Variants in SLC22A23 observed in about 807,000 individuals in gnomAD.
The protein encoded by SLC22A23 is ion transporter protein.
A neutral mutation model predicts 61.0 loss-of-function variants in SLC22A23; 26 were observed. That is an observed-to-expected ratio of 0.43 (90% CI 0.31 to 0.59). The LOEUF (loss-of-function observed/expected upper bound fraction) is 0.59. SLC22A23 is among the 20% of genes least tolerant of loss of function. The pLI is 0.11. For synonymous variants in SLC22A23, 430 were observed against 413.9 expected, an observed-to-expected ratio of 1.04 and a Z score of -0.47; for missense variants, 796 against 934.7, an observed-to-expected ratio of 0.85 and a Z score of 1.94.
chr6:3,446,675 T>C (rs1771911179), intron 1 of SLC22A23, among the ~76,000 whole-genome samples: 1 of 152,134 alleles, frequency 6.6e-6, no homozygotes. Context: ...CATGTCTGCT[T>C]CCCAAACAGG....
chr6:3,305,326 C>T (rs1216361266), intron 4 of SLC22A23, among the ~76,000 whole-genome samples: 1 of 152,240 alleles, frequency 6.6e-6, no homozygotes, highest in East Asian at 1.9e-4. Context: ...AGCACAGCAG[C>T]AAACCCATAT....
At chr6:3,355,789 C>T (rs1765033255) in intron 3 of SLC22A23, among the ~76,000 whole-genome samples, 1 of 151,414 alleles carries the variant, frequency 6.6e-6, no homozygotes, top group South Asian at 2.1e-4. Flanking sequence ...TCACTCAGCC[C>T]TGCACAAACC....
intron 3 of SLC22A23, among the ~76,000 whole-genome samples, chr6:3,352,271 G>GCACA (rs57754893): frequency 0.026 from 3,882 of 149,372 alleles, 87 homozygotes; most frequent in African/African-American, 0.063. Context: ...ACACAGACAT[G>GCACA]CACACACACA....
At chr6:3,396,814 G>C (rs1038027693) in intron 3 of SLC22A23, among the ~76,000 whole-genome samples, 2 of 152,156 alleles carry the variant, frequency 1.3e-5, no homozygotes, top group African/African-American at 4.8e-5. Context: ...TCTGGCTCCC[G>C]CATCTGCTGA....
Position 3,328,841 on chromosome 6 carries a change from C to T in SLC22A23, c.914-4839G>A, listed in dbSNP as rs1763423238. On this transcript the variant is annotated intron_variant, in intron 3 of 9. Coordinates refer to ENST00000406686, the MANE Select transcript of SLC22A23 (RefSeq NM_015482.2). The surrounding 1 kb of genome is among the most constrained non-coding windows in gnomAD (Gnocchi z 5.0). ...GAGGCGGAGGTCAGGAGGTCCTGCC[C>T]ATCACACAGGCTCACACGAGGCCTC... 6.6e-6 allele frequency among the ~76,000 whole-genome samples: 1 copy of T among 152,104 alleles called. No individual in the cohort carries two copies. The highest frequency in any genetic ancestry group is 2.4e-5 in the African/African-American group (1 of 41,396).
chr6:3,403,496 T>C (rs1188231917), intron 3 of SLC22A23, among the ~76,000 whole-genome samples: 1 of 152,208 alleles, frequency 6.6e-6, no homozygotes, highest in African/African-American at 2.4e-5. Flanking sequence ...TCTGGAACCC[T>C]GGGGAAAGGG....
At position 3,427,750 on chromosome 6, in the gene SLC22A23, G is replaced by C. The variant is rs973442898; in HGVS notation, c.655-11895C>G. Among the ~76,000 whole-genome samples, 2 of 152,158 alleles carry C rather than the reference G, an allele frequency of 1.3e-5. No individual in the cohort carries two copies. ...CCAAAAGAAAAAAAAAAGTAGGATG[G>C]TTCTCAAAAGCTGACAACACGATTA... On this transcript the variant is annotated intron_variant, in intron 1 of 9. Transcript: ENST00000406686. This position sits in a 1 kb window ranked among gnomAD's most constrained non-coding sequence, Gnocchi z 4.3.
In SLC22A23 at chr6:3,317,389, A is replaced by C. The variant is rs1762702848; in HGVS notation, c.1082+6445T>G. Among the ~76,000 whole-genome samples the C allele has an allele frequency of 6.6e-6, 1 of 152,038 alleles. No homozygotes were observed. The highest frequency in any genetic ancestry group is 1.5e-5 in the Non-Finnish European group (1 of 68,016). The stretch of plus-strand genomic sequence containing the variant: ...ACAATTTCAGAGCAGCAGCTCTTGC[A>C]CCCAGCTCCCTCTTCCATTCTGGCA... On this transcript the variant is annotated intron_variant, in intron 4 of 9. Transcript: ENST00000406686. The surrounding 1 kb of genome is among the most constrained non-coding windows in gnomAD (Gnocchi z 4.4).
chr6:3,449,195 A>G (rs1054353366), intron 1 of SLC22A23, among the ~76,000 whole-genome samples: 5 of 152,220 alleles, frequency 3.3e-5, no homozygotes, highest in African/African-American at 1.2e-4. Context: ...ACCCCAAAAT[A>G]AAGAAGTTAT....
intron 1 of SLC22A23, among the ~76,000 whole-genome samples, chr6:3,447,832 C>A (rs1270868355): frequency 6.6e-6 from 1 of 151,516 alleles, no homozygotes; most frequent in Non-Finnish European, 1.5e-5. Context: ...TCATGATCCA[C>A]CCACCTCGGC....
At chr6:3,405,683 T>C (rs144184077) in intron 3 of SLC22A23, among the ~76,000 whole-genome samples, 61 of 151,190 alleles carry the variant, frequency 4.0e-4, no homozygotes, top group African/African-American at 1.4e-3. Context: ...TTGACTGAAA[T>C]AAGTTGCAAG....
At chr6:3,338,745 A>C (rs1763995906) in intron 3 of SLC22A23, among the ~76,000 whole-genome samples, 1 of 152,232 alleles carries the variant, frequency 6.6e-6, no homozygotes, top group African/African-American at 2.4e-5. Flanking sequence ...TAATGTTTGT[A>C]ATAAAGAGAA....
At chr6:3,434,108 G>T (rs1771048445) in intron 1 of SLC22A23, among the ~76,000 whole-genome samples, 1 of 152,274 alleles carries the variant, frequency 6.6e-6, no homozygotes, top group East Asian at 1.9e-4. Flanking sequence ...GGGGTCAGGA[G>T]TTCGAGACCA....
chr6:3,289,908 A>G (rs1419656118), intron 5 of SLC22A23, 42 bp from the exon 6 acceptor site: 1 of 1,553,942 alleles, frequency 6.4e-7, no homozygotes, highest in Non-Finnish European at 8.9e-7. Flanking sequence ...CAGGCCGCCC[A>G]CAGAGGACAG....
chr6:3,337,687 G>A (rs993111139), intron 3 of SLC22A23, among the ~76,000 whole-genome samples: 3 of 152,168 alleles, frequency 2.0e-5, no homozygotes, highest in Non-Finnish European at 4.4e-5. Flanking sequence ...GGCAAGGACA[G>A]CCTGGTGTGG....
In SLC22A23 at chr6:3,358,809, C is replaced by T. The variant is rs146011658; in HGVS notation, c.914-34807G>A. Among the ~76,000 whole-genome samples the T allele has an allele frequency of 2.4e-3, 365 of 152,164 alleles. 1 individual carries two copies. The highest frequency in any genetic ancestry group is 8.4e-3 in the African/African-American group (348 of 41,526). On this transcript the variant is annotated intron_variant, in intron 3 of 9. Coordinates refer to ENST00000406686, the MANE Select transcript of SLC22A23 (RefSeq NM_015482.2). ...TGTTTCATCAACCCAAGGAAAACAC[C>T]GGAAGGAGTCACAGCTCCAGTGAGG...
intron 3 of SLC22A23, among the ~76,000 whole-genome samples, chr6:3,344,329 A>T (rs1000728128): frequency 1.2e-4 from 19 of 152,262 alleles, no homozygotes; most frequent in African/African-American, 4.6e-4. Context: ...CATATATGGA[A>T]AAAGCATAAG....
intron 4 of SLC22A23, among the ~76,000 whole-genome samples, chr6:3,305,743 G>A (rs1761929556): frequency 6.6e-6 from 1 of 152,208 alleles, no homozygotes; most frequent in South Asian, 2.1e-4. Flanking sequence ...AGCTTCATCT[G>A]TCTGGTGCAT....
At chr6:3,428,630 C>T (rs1770659718) in intron 1 of SLC22A23, among the ~76,000 whole-genome samples, 1 of 152,164 alleles carries the variant, frequency 6.6e-6, no homozygotes, top group South Asian at 2.1e-4. Flanking sequence ...CCCAATTCTT[C>T]CTTCTGTCTC....
Sources: allele counts gnomAD v4.1 joint callset (sites outside exome capture counted in the v4.1 genomes callset), GRCh38; gene constraint gnomAD v4.1.1; non-coding constraint Gnocchi (gnomAD v3.1); transcripts MANE v1.5; gene names NCBI Gene and HGNC (gene_info 2026-07-23, HGNC 2026-07-21).